DNAJC3: variants seen among roughly 807,000 people sequenced by gnomAD.
The protein encoded by DNAJC3 is DnaJ heat shock protein family (Hsp40) member C3.
DNAJC3 carries 38 observed loss-of-function variants against 68.6 expected under a neutral mutation model. The ratio of observed to expected loss-of-function variants is 0.55; its 90% CI spans 0.43 to 0.73. The LOEUF (loss-of-function observed/expected upper bound fraction) is 0.73, where lower values mean the gene tolerates loss of function less well. Among genes scored for constraint, DNAJC3 ranks in the 30% least tolerant of loss-of-function variants. DNAJC3 has a pLI of 0.00. For synonymous variants in DNAJC3, 203 were observed against 204.0 expected (o/e 1.00, Z 0.04); for missense variants, 526 against 591.9 (o/e 0.89, Z 1.16).
In DNAJC3 at chr13:95,794,927, G is replaced by T. The variant is rs1468004889; in HGVS notation, c.*3897G>T. Reference sequence around the variant, plus strand: ...GGTCTCAGACATGTCTACAAATATGGGTACTATTTTTATGCCCGTGTATTT... The same window carrying T: ...GGTCTCAGACATGTCTACAAATATGTGTACTATTTTTATGCCCGTGTATTT... On this transcript the variant is annotated 3_prime_UTR_variant, in exon 12 of 12. Transcript: ENST00000602402. 1.3e-5 allele frequency: 2 copies of T among 152,136 alleles called. No homozygotes were observed. Among genetic ancestry groups the T allele is most frequent in the African/African-American group, 2.4e-5 (1 of 41,420 alleles). The allele number at this position is 152,136 out of a possible 1,614,324, so 9.4% of individuals were successfully genotyped here.
intron 9 of DNAJC3, among the ~76,000 whole-genome samples, chr13:95,770,633 CT>C (rs1883132485): frequency 1.3e-5 from 2 of 152,286 alleles, no homozygotes; most frequent in African/African-American, 4.8e-5. Context: ...TACTATCTCT[CT>C]TCATTGTTTA....
intron 1 of DNAJC3, among the ~76,000 whole-genome samples, chr13:95,692,220 C>T (rs987807908): frequency 3.3e-5 from 5 of 152,140 alleles, no homozygotes; most frequent in Non-Finnish European, 7.4e-5. Context: ...GAATGTTCCA[C>T]ACACAGATGA....
intron 4 of DNAJC3, chr13:95,745,265 C>T (rs1364774542): frequency 2.0e-5 from 3 of 152,166 alleles, no homozygotes; most frequent in Non-Finnish European, 1.5e-5. Flanking sequence ...TTTGAAGTTT[C>T]TAGCTCTTTT....
chr13:95,695,963 A>G (rs754606436), intron 1 of DNAJC3, among the ~76,000 whole-genome samples: 15 of 152,208 alleles, frequency 9.9e-5, no homozygotes, highest in Non-Finnish European at 1.8e-4. Context: ...TACTTTGTGC[A>G]TTACTGTTAA....
At chr13:95,774,272 A>G (rs1464277890) in intron 9 of DNAJC3, among the ~76,000 whole-genome samples, 3 of 152,098 alleles carry the variant, frequency 2.0e-5, no homozygotes, top group African/African-American at 7.2e-5. Flanking sequence ...AGTGTATTCT[A>G]ATTTCCCTTC....
At chr13:95,740,027 A>G (rs979840913) in intron 4 of DNAJC3, among the ~76,000 whole-genome samples, 15 of 152,008 alleles carry the variant, frequency 9.9e-5, no homozygotes, top group African/African-American at 3.4e-4. Flanking sequence ...TTTTCCTTCT[A>G]ACAGAGAGGA....
At chr13:95,773,722 T>C (rs1319657156) in intron 9 of DNAJC3, among the ~76,000 whole-genome samples, 1 of 148,676 alleles carries the variant, frequency 6.7e-6, no homozygotes. Context: ...TTTGGTCAAT[T>C]TTGTTGGTCT....
chr13:95,677,162 A>AGCC lies in DNAJC3; in HGVS notation c.-92_-90dup. 8.4e-7 allele frequency: 1 copy of AGCC among 1,192,336 alleles called. No individual in the cohort carries two copies. The highest frequency in any genetic ancestry group is 1.6e-5 in the African/African-American group (1 of 63,512). 73.9% of individuals were successfully genotyped at this position (1,192,336 alleles called of 1,614,324 possible). A position where few individuals can be genotyped will look rare whatever the true frequency, so the allele number is the denominator to read the frequency against. On this transcript the variant is annotated 5_prime_UTR_variant, in exon 1 of 12. Coordinates refer to ENST00000602402, the MANE Select transcript of DNAJC3 (RefSeq NM_006260.5). ...CCAGAGCCACTGAGGCCTGAGCGAG[A>AGCC]GCCGACGGCGGGCGGGCGCAGCTGC...
chr13:95,773,636 T>C (rs1251947773), intron 9 of DNAJC3, among the ~76,000 whole-genome samples: 1 of 151,998 alleles, frequency 6.6e-6, no homozygotes, highest in Non-Finnish European at 1.5e-5. Flanking sequence ...ATAAGGTCTG[T>C]AAGATTATTC....
intron 1 of DNAJC3, among the ~76,000 whole-genome samples, chr13:95,679,057 T>C (rs1162847514): frequency 2.0e-5 from 3 of 152,176 alleles, no homozygotes; most frequent in Non-Finnish European, 4.4e-5. Context: ...TCATTCCTAC[T>C]TTACAGACCA....
At chr13:95,790,517 T>C (rs1883737030) in intron 11 of DNAJC3, among the ~76,000 whole-genome samples, 1 of 152,188 alleles carries the variant, frequency 6.6e-6, no homozygotes, top group Non-Finnish European at 1.5e-5. Flanking sequence ...GAGCTGGCTG[T>C]TTCATTAGAA....
intron 1 of DNAJC3, among the ~76,000 whole-genome samples, chr13:95,681,829 T>C (rs1162803131): frequency 6.6e-6 from 1 of 152,252 alleles, no homozygotes; most frequent in Non-Finnish European, 1.5e-5. Flanking sequence ...CCTCATTCTT[T>C]TAGACCTTGT....
At chr13:95,743,062 C>T (rs1882197722) in intron 4 of DNAJC3, 1 of 358,214 alleles carries the variant, frequency 2.8e-6, no homozygotes, top group South Asian at 2.2e-5. Flanking sequence ...ATTGCTTTTG[C>T]ACCTTATTCA....
chr13:95,790,806 G>GA, intron 11 of DNAJC3, 67 bp from the exon 12 acceptor site: 1 of 1,032,486 alleles, frequency 9.7e-7, no homozygotes, highest in Non-Finnish European at 1.4e-6. Flanking sequence ...TCTGCCCAAA[G>GA]AAAACATTCC....
At chr13:95,734,177 G>A (rs1231195938) in intron 4 of DNAJC3, among the ~76,000 whole-genome samples, 5 of 152,136 alleles carry the variant, frequency 3.3e-5, no homozygotes, top group African/African-American at 1.2e-4. Flanking sequence ...TTGTCCTTTT[G>A]CATCTAGGTT....
At chr13:95,697,327 C>T (rs73550529) in intron 1 of DNAJC3, among the ~76,000 whole-genome samples, 3,094 of 151,982 alleles carry the variant, frequency 0.02, 90 homozygotes, top group African/African-American at 0.06. Context: ...TTTTTTTGTT[C>T]GTTTGTTTTT....
intron 1 of DNAJC3, among the ~76,000 whole-genome samples, chr13:95,685,984 C>CA (rs1383683438): frequency 1.4e-5 from 2 of 145,324 alleles, no homozygotes; most frequent in African/African-American, 2.6e-5. Flanking sequence ...TTTTTTGAGA[C>CA]AGAGTCTTGC....
intron 2 of DNAJC3, among the ~76,000 whole-genome samples, chr13:95,714,642 T>C (rs777720234): frequency 2.6e-5 from 4 of 152,242 alleles, no homozygotes; most frequent in African/African-American, 4.8e-5. Flanking sequence ...AAGGGCTGTT[T>C]ACTGTGTGAC....
intron 4 of DNAJC3, among the ~76,000 whole-genome samples, chr13:95,732,561 C>T (rs1210470280): frequency 1.1e-5 from 1 of 93,294 alleles, no homozygotes; most frequent in African/African-American, 6.6e-5. Context: ...TGGGCCTTTT[C>T]TCGTTTTTTT....
Sources: gnomAD v4.1 joint callset for allele counts (sites outside exome capture counted in the v4.1 genomes callset) on GRCh38, gnomAD v4.1.1 for gene constraint, MANE v1.5 for transcripts, NCBI Gene and HGNC (gene_info 2026-07-23, HGNC 2026-07-21) for gene names.